Variants in PLEKHA7 observed in about 807,000 individuals in gnomAD.
The protein encoded by PLEKHA7 is pleckstrin homology domain containing A7, also known as pleckstrin homology domain-containing family A member 7.
A neutral mutation model predicts 170.0 loss-of-function variants in PLEKHA7; 104 were observed. The observed-to-expected ratio is 0.61, with a 90% CI of 0.52 to 0.72. The LOEUF is 0.72. Ranked by LOEUF, PLEKHA7 falls within the 30% of genes least tolerant of loss-of-function variation. The pLI, the probability that PLEKHA7 is intolerant of heterozygous loss-of-function variation, is 0.00. For missense variants in PLEKHA7, 1,615 were observed against 1,671.7 expected (o/e 0.97, Z 0.59); for synonymous variants, 648 against 660.8 (o/e 0.98, Z 0.30).
chr11:16,794,340 C>T, intron 19 of PLEKHA7, 148 bp downstream of exon 19: 2 of 760,780 alleles, frequency 2.6e-6, no homozygotes, highest in Admixed American at 2.1e-5. Context: ...GGAAATACTA[C>T]TTTTTAACTG....
At chr11:16,931,509 G>A (rs1859919977) in intron 3 of PLEKHA7, among the ~76,000 whole-genome samples, 1 of 152,102 alleles carries the variant, frequency 6.6e-6, no homozygotes, top group Non-Finnish European at 1.5e-5. Flanking sequence ...AATTACTTCA[G>A]GTCAGGAGTT....
intron 8 of PLEKHA7, among the ~76,000 whole-genome samples, chr11:16,849,321 A>T (rs1225485246): frequency 1.3e-5 from 2 of 152,236 alleles, no homozygotes; most frequent in Non-Finnish European, 2.9e-5. Context: ...TACTTTAAAG[A>T]CATGCCAAAT....
chr11:16,875,989 T>C lies in PLEKHA7; in HGVS notation c.222-4807A>G, dbSNP rs943127406. Among the ~76,000 whole-genome samples the C allele has an allele frequency of 2.6e-5, 4 of 152,136 alleles. No individual in the cohort carries two copies. In the South Asian group the frequency reaches 8.3e-4, roughly 32 times the overall value. On this transcript the variant is annotated intron_variant, in intron 3 of 26. Transcript: ENST00000531066. Reference sequence around the variant, plus strand: ...GTGTTCCCCGCACACCACCACCCTTTTGATCTCTTTCCACTACTCCAGGCT... The same window carrying C: ...GTGTTCCCCGCACACCACCACCCTTCTGATCTCTTTCCACTACTCCAGGCT...
intron 1 of PLEKHA7, 21 bp from the exon 2 acceptor site, chr11:17,014,222 C>G (rs2137175316): frequency 1.3e-6 from 2 of 1,497,650 alleles, no homozygotes; most frequent in Non-Finnish European, 1.8e-6. Flanking sequence ...AGAGGTGCAC[C>G]TGTTAGCGCC....
chr11:16,895,027 G>A (rs1265503056), intron 3 of PLEKHA7, among the ~76,000 whole-genome samples: 1 of 152,130 alleles, frequency 6.6e-6, no homozygotes, highest in East Asian at 1.9e-4. Flanking sequence ...CAGCTAGTAG[G>A]AACAGAGCCA....
chr11:16,857,380 A>G (rs378863), intron 4 of PLEKHA7, among the ~76,000 whole-genome samples: 18,036 of 151,930 alleles, frequency 0.12, 1,155 homozygotes, highest in East Asian at 0.16. Flanking sequence ...CAGATTCCAC[A>G]CCCCCAGCCT....
At chr11:16,813,744 T>C (rs1590200814) in intron 12 of PLEKHA7, among the ~76,000 whole-genome samples, 1 of 152,218 alleles carries the variant, frequency 6.6e-6, no homozygotes. Context: ...TTGCTCACCA[T>C]GGAGCCAATG....
intron 3 of PLEKHA7, among the ~76,000 whole-genome samples, chr11:16,978,321 A>C (rs1001059838): frequency 6.6e-6 from 1 of 152,212 alleles, no homozygotes; most frequent in African/African-American, 2.4e-5. Context: ...CTATTGCTTG[A>C]AGGAAACACG....
chr11:16,904,093 G>A (rs1012934403), intron 3 of PLEKHA7, among the ~76,000 whole-genome samples: 3 of 152,288 alleles, frequency 2.0e-5, no homozygotes, highest in Non-Finnish European at 4.4e-5. Context: ...GACAGGTTTC[G>A]ATTTTGCAGT....
rs147012816 is a variant in PLEKHA7, at chr11:16,894,054, C to G, written c.222-22872G>C. 1.2e-4 allele frequency among the ~76,000 whole-genome samples: 19 copies of G among 152,276 alleles called. 1 individual carries two copies. The East Asian group carries it at 3.5e-3, about 28-fold the overall frequency. On this transcript the variant is annotated intron_variant, in intron 3 of 26. Coordinates refer to ENST00000531066, the MANE Select transcript of PLEKHA7 (RefSeq NM_001329630.2). ...TCCAACTGCCCCTTCTACTGGTCCTCTAGCAATGGAATACCAGAGTCTAGG... is the reference window on the plus strand; with the variant it reads ...TCCAACTGCCCCTTCTACTGGTCCTGTAGCAATGGAATACCAGAGTCTAGG...
At position 16,844,782 on chromosome 11, in the gene PLEKHA7, C is replaced by A. The variant is rs150538237; in HGVS notation, c.697-3060G>T. The stretch of plus-strand genomic sequence containing the variant: ...GAAGCCTCATGGTTCAAGCCCCCAA[C>A]ATCAGCCTTTAGAATAGAGAAACCT... On this transcript the variant is annotated intron_variant, in intron 8 of 26. Transcript: ENST00000531066. Among the ~76,000 whole-genome samples, 1,075 of 152,312 alleles carry A rather than the reference C, an allele frequency of 7.1e-3. 14 individuals carry two copies. The highest frequency in any genetic ancestry group is 0.024 in the African/African-American group (1,011 of 41,550).
chr11:16,890,631 C>T (rs1019068273), intron 3 of PLEKHA7, among the ~76,000 whole-genome samples: 2 of 152,112 alleles, frequency 1.3e-5, no homozygotes, highest in African/African-American at 4.8e-5. Flanking sequence ...CTGAAAATGA[C>T]TCAGAGCTTA....
intron 3 of PLEKHA7, among the ~76,000 whole-genome samples, chr11:16,937,395 G>A (rs895630627): frequency 9.9e-5 from 15 of 152,154 alleles, no homozygotes; most frequent in African/African-American, 3.6e-4. Context: ...CTAAGCACAT[G>A]AGAATGTACA....
At chr11:16,970,846 A>C (rs1051376434) in intron 3 of PLEKHA7, among the ~76,000 whole-genome samples, 19 of 152,208 alleles carry the variant, frequency 1.2e-4, no homozygotes, top group Admixed American at 3.9e-4. Context: ...GACAGGAAGA[A>C]AAAAATGTTA....
chr11:16,958,575 G>T (rs1201742601), intron 3 of PLEKHA7, among the ~76,000 whole-genome samples: 1 of 152,118 alleles, frequency 6.6e-6, no homozygotes, highest in Non-Finnish European at 1.5e-5. Context: ...CCATCTCTGT[G>T]CTTTTCCTCT....
intron 3 of PLEKHA7, among the ~76,000 whole-genome samples, chr11:16,873,846 T>C (rs1405396755): frequency 1.3e-5 from 2 of 152,128 alleles, no homozygotes; most frequent in East Asian, 3.9e-4. Flanking sequence ...TTTGTATTTT[T>C]AGTAGAGGCA....
At chr11:16,913,247 T>C (rs1238994615) in intron 3 of PLEKHA7, among the ~76,000 whole-genome samples, 1 of 152,138 alleles carries the variant, frequency 6.6e-6, no homozygotes, top group Non-Finnish European at 1.5e-5. Flanking sequence ...CCACATTTTT[T>C]TTTCCCCCAA....
intron 8 of PLEKHA7, among the ~76,000 whole-genome samples, chr11:16,847,310 T>C (rs1852515996): frequency 6.6e-6 from 1 of 151,726 alleles, no homozygotes; most frequent in Non-Finnish European, 1.5e-5. Flanking sequence ...GCCAGGATGG[T>C]CTCGATCTCC....
chr11:17,002,649 A>T (rs1351742659), intron 3 of PLEKHA7, among the ~76,000 whole-genome samples: 1 of 152,186 alleles, frequency 6.6e-6, no homozygotes, highest in Non-Finnish European at 1.5e-5. Flanking sequence ...GCATTTTTCA[A>T]CTAGAAAGCA....
Sources: gnomAD v4.1 joint callset for allele counts (sites outside exome capture counted in the v4.1 genomes callset) on GRCh38, gnomAD v4.1.1 for gene constraint, MANE v1.5 for transcripts, NCBI Gene and HGNC (gene_info 2026-07-23, HGNC 2026-07-21) for gene names.